VPS53: variants seen among roughly 807,000 people sequenced by gnomAD.
The protein encoded by VPS53 is vacuolar protein sorting-associated protein 53 homolog.
A neutral mutation model predicts 107.0 loss-of-function variants in VPS53; 70 were observed. The observed-to-expected ratio is 0.65, with a 90% CI of 0.54 to 0.80. The LOEUF is 0.80. Ranked by LOEUF, VPS53 falls within the 30% of genes least tolerant of loss-of-function variation. The pLI is 0.00. For synonymous variants in VPS53, 409 were observed against 393.3 expected (o/e 1.04, Z -0.47); for missense variants, 917 against 1,049.4 (o/e 0.87, Z 1.74).
At chr17:657,355 C>T in intron 5 of VPS53, 1 of 767,094 alleles carries the variant, frequency 1.3e-6, no homozygotes, top group Admixed American at 1.8e-5. Context: ...CGGACCGTGC[C>T]ATCGATCTTA....
chr17:661,520 CAAAAAAAAA>C (rs10666256), intron 5 of VPS53, among the ~76,000 whole-genome samples: 1 of 109,248 alleles, frequency 9.2e-6, no homozygotes, highest in Non-Finnish European at 1.8e-5. Flanking sequence ...GACTCCATCT[CAAAAAAAAA>C]AAAAAAAATA....
Position 601,801 on chromosome 17 carries a change from TA to T in VPS53, c.1211del (p.Leu404Ter). On this transcript the variant is annotated frameshift_variant, in exon 12 of 22. Transcript: ENST00000437048. LOFTEE classifies it high-confidence loss of function. ...MEELATEKGD[L>X]DQPKKPKAPD... ...TGACGCAAACCAGACTTACTTGATC[TA>T]AATCTCCTTTCTCCGTTGCCAGTTC... 6.2e-7 allele frequency: 1 copy of T among 1,602,140 alleles called. No individual in the cohort carries two copies. Among genetic ancestry groups the T allele is most frequent in the Non-Finnish European group, 8.5e-7 (1 of 1,174,196 alleles).
intron 4 of VPS53, among the ~76,000 whole-genome samples, chr17:689,996 G>A (rs1972723864): frequency 6.6e-6 from 1 of 152,176 alleles, no homozygotes; most frequent in Non-Finnish European, 1.5e-5. Context: ...CACACAGACA[G>A]GTAGAAATCC....
At chr17:655,286 C>T (rs2143524807) in intron 6 of VPS53, among the ~76,000 whole-genome samples, 1 of 143,498 alleles carries the variant, frequency 7.0e-6, no homozygotes, top group East Asian at 2.0e-4. Context: ...GTATCATTCC[C>T]TCTACAAGCC....
intron 7 of VPS53, among the ~76,000 whole-genome samples, chr17:638,736 T>TATTG (rs1399520694): frequency 6.6e-6 from 1 of 152,250 alleles, no homozygotes; most frequent in Non-Finnish European, 1.5e-5. Context: ...GAATGTTGAA[T>TATTG]ATTGGCCCCC....
chr17:651,472 T>C (rs915640164), intron 7 of VPS53, among the ~76,000 whole-genome samples: 2 of 152,076 alleles, frequency 1.3e-5, no homozygotes, highest in Admixed American at 6.6e-5. Context: ...GTGCTTGTAG[T>C]CCCAGCTGCT....
At chr17:584,356 C>G (rs58562424) in intron 13 of VPS53, among the ~76,000 whole-genome samples, 9 of 152,130 alleles carry the variant, frequency 5.9e-5, no homozygotes, top group African/African-American at 1.9e-4. Flanking sequence ...TGCCCCCTCA[C>G]GCACACAACG....
intron 2 of VPS53, among the ~76,000 whole-genome samples, chr17:708,206 C>G (rs559298365): frequency 6.6e-6 from 1 of 152,078 alleles, no homozygotes; most frequent in African/African-American, 2.4e-5. Flanking sequence ...ATAGTGGCCC[C>G]GAATGCCTGG....
chr17:653,782 T>C lies in VPS53; in HGVS notation c.489-372A>G, dbSNP rs149675923. 3.3e-3 allele frequency among the ~76,000 whole-genome samples: 504 copies of C among 152,240 alleles called. 4 individuals are homozygous for C. Among genetic ancestry groups the C allele is most frequent in the African/African-American group, 0.012 (478 of 41,532 alleles). ...ATGAATTTAGAATTTGGGTTGGATA[T>C]TATGGGATTAGCAAGCTTGGGACAG... On this transcript the variant is annotated intron_variant, in intron 6 of 21. Transcript: ENST00000437048.
At chr17:665,861 G>A (rs1173233613) in intron 4 of VPS53, among the ~76,000 whole-genome samples, 1 of 152,052 alleles carries the variant, frequency 6.6e-6, no homozygotes, top group Non-Finnish European at 1.5e-5. Context: ...AAAATTAGAT[G>A]GGCGTGGTGG....
chr17:551,913 G>C lies in VPS53; in HGVS notation c.1825C>G (p.Leu609Val). The C allele has an allele frequency of 6.2e-7, 1 of 1,605,346 alleles. No individual in the cohort carries two copies. Among genetic ancestry groups the C allele is most frequent in the South Asian group, 1.1e-5 (1 of 89,158 alleles). Reference protein sequence around the residue: ...SSSIQLLVQDLDAACDPALTA... With the variant: ...SSSIQLLVQDVDAACDPALTA... ...AGGGCAGGATCACAGGCAGCATCCA[G>C]ATCCTGAACCAGCAGCTGAATACTG... is the stretch of plus-strand genomic sequence containing the variant. The change falls in exon 17 of 22, where the codon CTG becomes GTG. Residue 609 changes from leucine (L) to valine (V), a missense_variant. Coordinates refer to ENST00000437048, the MANE Select transcript of VPS53 (RefSeq NM_001128159.3).
intron 4 of VPS53, among the ~76,000 whole-genome samples, chr17:692,414 G>A (rs564834188): frequency 6.6e-6 from 1 of 152,228 alleles, no homozygotes; most frequent in African/African-American, 2.4e-5. Context: ...GAGCATCATC[G>A]TCTGGTTAGA....
At chr17:712,365 G>C (rs1274578771) in intron 1 of VPS53, among the ~76,000 whole-genome samples, 1 of 150,730 alleles carries the variant, frequency 6.6e-6, no homozygotes, top group African/African-American at 2.4e-5. Flanking sequence ...ATTTTTAGGA[G>C]AGACGGGGTT....
Position 607,513 on chromosome 17 carries a change from TG to T in VPS53, c.1117-5618del, listed in dbSNP as rs1252889012. On this transcript the variant is annotated intron_variant, in intron 11 of 21. Transcript: ENST00000437048. Reference sequence around the variant, plus strand: ...ACAAGTCCTTGTGGGGAGCGATCACTGGCATAACGCAGCCTTCTGTGCTAAG... The same window carrying T: ...ACAAGTCCTTGTGGGGAGCGATCACTGCATAACGCAGCCTTCTGTGCTAAG... 2.6e-5 allele frequency among the ~76,000 whole-genome samples: 4 copies of T among 152,354 alleles called. No homozygotes were observed. In the East Asian group the frequency reaches 7.7e-4, roughly 29 times the overall value.
At chr17:601,955 A>T in intron 11 of VPS53, 59 bp from the exon 12 acceptor site, 2 of 1,264,490 alleles carry the variant, frequency 1.6e-6, no homozygotes, top group Non-Finnish European at 2.2e-6. Flanking sequence ...AGCTTTCCCC[A>T]TTGATCTGCT....
At chr17:630,348 G>A (rs17609440) in intron 8 of VPS53, among the ~76,000 whole-genome samples, 7,042 of 151,088 alleles carry the variant, frequency 0.047, 241 homozygotes, top group Non-Finnish European at 0.072. Flanking sequence ...CTGAGTACAC[G>A]TGAGGCTAAC....
At chr17:632,065 T>C (rs1362062311) in intron 7 of VPS53, among the ~76,000 whole-genome samples, 2 of 152,000 alleles carry the variant, frequency 1.3e-5, no homozygotes, top group African/African-American at 4.8e-5. Flanking sequence ...CTGGGCAACA[T>C]TAGAGAGATC....
intron 15 of VPS53, among the ~76,000 whole-genome samples, chr17:558,513 A>T (rs1912647133): frequency 6.6e-6 from 1 of 152,222 alleles, no homozygotes; most frequent in Admixed American, 6.5e-5. Context: ...GGGAACCCGT[A>T]GTCCCAGCTA....
chr17:629,244 C>T (rs185132779), intron 8 of VPS53, among the ~76,000 whole-genome samples: 22 of 152,234 alleles, frequency 1.4e-4, no homozygotes, highest in Non-Finnish European at 2.5e-4. Flanking sequence ...GTTTTTATGT[C>T]ATCTGCTGAA....
Sources: gnomAD v4.1 joint callset for allele counts (sites outside exome capture counted in the v4.1 genomes callset) on GRCh38, gnomAD v4.1.1 for gene constraint, MANE v1.5 for transcripts, NCBI Gene and HGNC (gene_info 2026-07-23, HGNC 2026-07-21) for gene names.